Variants in GOLGA7B observed in about 807,000 individuals in gnomAD.
GOLGA7B encodes the protein golgin A7 family member B, also known as golgin subfamily A member 7B.
A neutral mutation model predicts 21.5 loss-of-function variants in GOLGA7B; 17 were observed. The observed-to-expected ratio is 0.79, with a 90% confidence interval of 0.54 to 1.19. The LOEUF is 1.19. Among genes scored for constraint, GOLGA7B ranks in the 50% most tolerant of loss-of-function variants. The probability of loss-of-function intolerance (pLI) is 0.00; values close to 1 mark genes in which losing one functional copy is unlikely to be tolerated. For missense variants in GOLGA7B, 169 were observed against 224.4 expected (o/e 0.75, Z 1.58); for synonymous variants, 87 against 84.0 (o/e 1.04, Z -0.19).
chr10:97,859,720 G>A, intron 2 of GOLGA7B, 137 bp downstream of exon 2: 1 of 835,598 alleles, frequency 1.2e-6, no homozygotes, highest in South Asian at 2.6e-5. Flanking sequence ...TCAAAAGGAT[G>A]AATTTTAAAA....
chr10:97,855,071 A>G (rs1162858793), intron 1 of GOLGA7B, among the ~76,000 whole-genome samples: 1 of 152,232 alleles, frequency 6.6e-6, no homozygotes, highest in Non-Finnish European at 1.5e-5. Flanking sequence ...GGAGGCTGGG[A>G]ATTAATATAG....
chr10:97,858,949 G>A (rs192774988), intron 1 of GOLGA7B, among the ~76,000 whole-genome samples: 9 of 152,340 alleles, frequency 5.9e-5, no homozygotes, highest in Admixed American at 2.0e-4. Context: ...ACAAGTGAAC[G>A]CTTGGTACTT....
At chr10:97,854,311 G>A (rs1297549427) in intron 1 of GOLGA7B, among the ~76,000 whole-genome samples, 1 of 152,232 alleles carries the variant, frequency 6.6e-6, no homozygotes, top group Non-Finnish European at 1.5e-5. Flanking sequence ...GAGAAGGGAA[G>A]ACTTTCCCAG....
At chr10:97,861,670 C>A (rs1162097290) in intron 2 of GOLGA7B, among the ~76,000 whole-genome samples, 2 of 152,224 alleles carry the variant, frequency 1.3e-5, no homozygotes, top group Non-Finnish European at 2.9e-5. Flanking sequence ...GAAGGCAGAT[C>A]CTGAGCTTTC....
At chr10:97,851,798 A>AT in intron 1 of GOLGA7B, among the ~76,000 whole-genome samples, 1 of 152,358 alleles carries the variant, frequency 6.6e-6, no homozygotes, top group East Asian at 1.9e-4. Context: ...GATGTCTGCC[A>AT]TGGCCCACAG....
Position 97,850,257 on chromosome 10 carries a change from G to C in GOLGA7B, c.-47G>C. 1 of 1,429,006 alleles carries C rather than the reference G, an allele frequency of 7.0e-7. No homozygotes were observed. The allele number at this position is 1,429,006 out of a possible 1,614,324, so 88.5% of individuals were successfully genotyped here. A position where few individuals can be genotyped will look rare whatever the true frequency, so the allele number is the denominator to read the frequency against. ...CTGCTCCCGGGGTCAGCACCGCGGA[G>C]ACCCCCCTCGCCCGGCCCCGCGACA... is the stretch of plus-strand genomic sequence containing the variant. On this transcript the variant is annotated 5_prime_UTR_variant, in exon 1 of 5. Coordinates refer to ENST00000370602, the MANE Select transcript of GOLGA7B (RefSeq NM_001010917.3).
chr10:97,853,223 C>T (rs749334450), intron 1 of GOLGA7B, among the ~76,000 whole-genome samples: 7 of 152,182 alleles, frequency 4.6e-5, no homozygotes, highest in African/African-American at 9.7e-5. Flanking sequence ...GTCTGTGACT[C>T]ATGATCCTCA....
Position 97,850,127 on chromosome 10 carries a change from G to GGCCCCCCCCCCC in GOLGA7B, c.-177_-176insGCCCCCCCCCCC. 3 of 157,862 alleles carry GGCCCCCCCCCCC rather than the reference G, an allele frequency of 1.9e-5. No individual in the cohort carries two copies. Among genetic ancestry groups the GGCCCCCCCCCCC allele is most frequent in the East Asian group, 1.9e-4 (1 of 5,264 alleles). 9.8% of individuals were successfully genotyped at this position (157,862 alleles called of 1,614,324 possible). Reference sequence around the variant, plus strand: ...GCGCCGCGCCCCTTGCCTGGACCCAGCCGCCCGCCCGCCCCCGGCCCACCT... The same window carrying GGCCCCCCCCCCC: ...GCGCCGCGCCCCTTGCCTGGACCCAGGCCCCCCCCCCCCCGCCCGCCCGCCCCCGGCCCACCT... On this transcript the variant is annotated 5_prime_UTR_variant, in exon 1 of 5. Transcript: ENST00000370602.
At chr10:97,855,001 A>G (rs1036191850) in intron 1 of GOLGA7B, among the ~76,000 whole-genome samples, 3 of 152,218 alleles carry the variant, frequency 2.0e-5, no homozygotes, top group Non-Finnish European at 4.4e-5. Flanking sequence ...AAGCCTACAC[A>G]TGGCATTCGT....
intron 1 of GOLGA7B, among the ~76,000 whole-genome samples, chr10:97,858,768 C>T (rs527687762): frequency 6.6e-6 from 1 of 151,740 alleles, no homozygotes; most frequent in Admixed American, 6.5e-5. Flanking sequence ...CTGGGGTGCT[C>T]TCTGGCCGGG....
chr10:97,850,220 G>T lies in GOLGA7B; in HGVS notation c.-84G>T. On this transcript the variant is annotated 5_prime_UTR_variant, in exon 1 of 5. Transcript: ENST00000370602. ...CCCCGGGCCCCAGCTCGCCGCCACCGCCGCCGCCCACCTGCTCCCGGGGTC... is the reference window on the plus strand; with the variant it reads ...CCCCGGGCCCCAGCTCGCCGCCACCTCCGCCGCCCACCTGCTCCCGGGGTC... 1.0e-6 allele frequency: 1 copy of T among 953,142 alleles called. No homozygotes were observed. The highest frequency in any genetic ancestry group is 1.8e-5 in the African/African-American group (1 of 55,148). 59.0% of individuals were successfully genotyped at this position (953,142 alleles called of 1,614,324 possible). A position where few individuals can be genotyped will look rare whatever the true frequency, so the allele number is the denominator to read the frequency against.
chr10:97,864,043 C>CA lies in GOLGA7B; in HGVS notation c.252_253insA (p.Tyr85IlefsTer12). The CA allele has an allele frequency of 6.2e-7, 1 of 1,614,198 alleles. No individual in the cohort carries two copies. Among genetic ancestry groups the CA allele is most frequent in the South Asian group, 1.1e-5 (1 of 91,082 alleles). ...AGGGCTGCCTGGCCTGCGCCACGGC[C>CA]TACTTCATCTTCCTCTGCATGGAGA... On this transcript the variant is annotated frameshift_variant, in exon 3 of 5. Coordinates refer to ENST00000370602, the MANE Select transcript of GOLGA7B (RefSeq NM_001010917.3). LOFTEE classifies it high-confidence loss of function.
At chr10:97,853,813 C>T (rs1228913123) in intron 1 of GOLGA7B, among the ~76,000 whole-genome samples, 2 of 152,194 alleles carry the variant, frequency 1.3e-5, no homozygotes, top group Non-Finnish European at 1.5e-5. Flanking sequence ...AAAACCCCAC[C>T]AGCTTTCTGA....
intron 4 of GOLGA7B, 23 bp downstream of exon 4, chr10:97,864,292 G>T: frequency 6.3e-7 from 1 of 1,593,826 alleles, no homozygotes; most frequent in Non-Finnish European, 8.6e-7. Flanking sequence ...GCTATTCTGT[G>T]TTGAGGGCAC....
In GOLGA7B at chr10:97,863,852, T is replaced by C. The variant is rs1478495282; in HGVS notation, c.139-78T>C. 10 of 1,461,004 alleles carry C rather than the reference T, an allele frequency of 6.8e-6. No homozygotes were observed. The African/African-American group carries it at 1.1e-4, about 17-fold the overall frequency. The allele number at this position is 1,461,004 out of a possible 1,614,324, so 90.5% of individuals were successfully genotyped here. A position where few individuals can be genotyped will look rare whatever the true frequency, so the allele number is the denominator to read the frequency against. ...CTTCCCCATCTACATGGCCCCACCA[T>C]TGTCACTTCCAGCCCTACCTGTGAC... is the stretch of plus-strand genomic sequence containing the variant. On this transcript the variant is annotated intron_variant, in intron 2 of 4. Transcript: ENST00000370602.
intron 2 of GOLGA7B, among the ~76,000 whole-genome samples, chr10:97,862,083 G>C (rs900491698): frequency 6.6e-6 from 1 of 152,234 alleles, no homozygotes; most frequent in Non-Finnish European, 1.5e-5. Flanking sequence ...TGTGACACCT[G>C]CTGAGTTTGG....
chr10:97,859,469 G>T lies in GOLGA7B; in HGVS notation c.24G>T (p.Leu8=). The change falls in exon 2 of 5, where the codon CTG becomes CTT. Residue 8 remains leucine, a synonymous_variant. Coordinates refer to ENST00000370602, the MANE Select transcript of GOLGA7B (RefSeq NM_001010917.3). The part of the protein sequence containing the change: MATEVHN[L]QELRRSASLA... ...GCACGTCTCCTCAGGTCCACAATCT[G>T]CAGGAGCTCCGGCGAAGTGCCTCAC... 6.2e-7 allele frequency: 1 copy of T among 1,614,124 alleles called. No homozygotes were observed.
Position 97,850,442 on chromosome 10 carries a change from C to A in GOLGA7B, c.12+127C>A. 1.3e-6 allele frequency: 1 copy of A among 751,762 alleles called. No individual in the cohort carries two copies. Among genetic ancestry groups the A allele is most frequent in the Non-Finnish European group, 2.0e-6 (1 of 498,086 alleles). The allele number at this position is 751,762 out of a possible 1,614,324, so 46.6% of individuals were successfully genotyped here. A position where few individuals can be genotyped will look rare whatever the true frequency, so the allele number is the denominator to read the frequency against. On this transcript the variant is annotated intron_variant, in intron 1 of 4. Coordinates refer to ENST00000370602, the MANE Select transcript of GOLGA7B (RefSeq NM_001010917.3). Reference sequence around the variant, plus strand: ...GATGGGGTGATTCCCCAGGTCAGGTCTGGAGGGAGGAGGTAGGGGCTTAGT... The same window carrying A: ...GATGGGGTGATTCCCCAGGTCAGGTATGGAGGGAGGAGGTAGGGGCTTAGT...
chr10:97,864,988 A>C (rs1264075597), intron 4 of GOLGA7B: 5 of 152,534 alleles, frequency 3.3e-5, no homozygotes, highest in Non-Finnish European at 7.3e-5. Context: ...AAAAAACCAC[A>C]AACACCCAGA....
Sources: allele counts gnomAD v4.1 joint callset (sites outside exome capture counted in the v4.1 genomes callset), GRCh38; gene constraint gnomAD v4.1.1; transcripts MANE v1.5; gene names NCBI Gene and HGNC (gene_info 2026-07-23, HGNC 2026-07-21).